EPHA6: variants seen among roughly 807,000 people sequenced by gnomAD.
EPHA6 encodes ephrin type-A receptor 6.
EPHA6 carries 50 observed loss-of-function variants against 112.0 expected under a neutral mutation model. The observed-to-expected ratio is 0.45, with a 90% CI of 0.36 to 0.56. The LOEUF (loss-of-function observed/expected upper bound fraction) is 0.56, where lower values mean the gene tolerates loss of function less well. Ranked by LOEUF, EPHA6 falls within the 20% of genes least tolerant of loss-of-function variation. The pLI, the probability that EPHA6 is intolerant of heterozygous loss-of-function variation, is 0.00. For synonymous variants in EPHA6, 529 were observed against 490.7 expected (o/e 1.08, Z -1.03); for missense variants, 1,280 against 1,417.4 (o/e 0.90, Z 1.56).
intron 5 of EPHA6, among the ~76,000 whole-genome samples, chr3:97,284,293 T>C (rs2080389654): frequency 6.6e-6 from 1 of 152,212 alleles, no homozygotes; most frequent in African/African-American, 2.4e-5. Context: ...AATTAAAAAT[T>C]ACTGGAAGTT....
intron 2 of EPHA6, among the ~76,000 whole-genome samples, chr3:96,953,893 G>A (rs1046673648): frequency 1.3e-5 from 2 of 148,932 alleles, no homozygotes; most frequent in Admixed American, 1.3e-4. Context: ...TTTTTTTTGA[G>A]ACATGGTCTG....
chr3:97,018,909 A>G (rs2044357043), intron 3 of EPHA6, among the ~76,000 whole-genome samples: 1 of 152,130 alleles, frequency 6.6e-6, no homozygotes. Flanking sequence ...GTCTTCCCAG[A>G]CGCTGGCGTT....
At chr3:97,692,634 A>G (rs1311734202) in intron 14 of EPHA6, among the ~76,000 whole-genome samples, 2 of 152,210 alleles carry the variant, frequency 1.3e-5, no homozygotes, top group Non-Finnish European at 2.9e-5. Flanking sequence ...GCACTGAAAC[A>G]TCTCTCTGTG....
chr3:97,112,802 T>C (rs2047763096), intron 3 of EPHA6, among the ~76,000 whole-genome samples: 1 of 152,176 alleles, frequency 6.6e-6, no homozygotes, highest in African/African-American at 2.4e-5. Flanking sequence ...TTCCTCCTCT[T>C]GAACTTTGTA....
At chr3:96,881,560 G>T (rs1388560141) in intron 2 of EPHA6, among the ~76,000 whole-genome samples, 1 of 152,142 alleles carries the variant, frequency 6.6e-6, no homozygotes, top group Non-Finnish European at 1.5e-5. Context: ...AGTGAGATTT[G>T]GGTTGGGACA....
chr3:97,241,798 A>T (rs2078856945), intron 4 of EPHA6, among the ~76,000 whole-genome samples: 1 of 137,848 alleles, frequency 7.3e-6, no homozygotes, highest in South Asian at 2.3e-4. Flanking sequence ...CTGCAGGCGG[A>T]CAGTTATATA....
intron 6 of EPHA6, among the ~76,000 whole-genome samples, chr3:97,427,280 A>G (rs1324030377): frequency 1.3e-5 from 2 of 152,210 alleles, no homozygotes; most frequent in South Asian, 2.1e-4. Context: ...GCAAAGTCAT[A>G]GAATCAATCT....
At chr3:97,559,691 A>G (rs985148723) in intron 11 of EPHA6, 7 of 448,058 alleles carry the variant, frequency 1.6e-5, no homozygotes, top group Admixed American at 2.5e-5. Flanking sequence ...GCTAATGTGT[A>G]TGCTGTCACA....
At chr3:97,486,164 CG>C (rs1178889917) in intron 10 of EPHA6, among the ~76,000 whole-genome samples, 1 of 152,036 alleles carries the variant, frequency 6.6e-6, no homozygotes, top group Non-Finnish European at 1.5e-5. Context: ...GTCATAATGG[CG>C]TTTATCTCAT....
intron 3 of EPHA6, among the ~76,000 whole-genome samples, chr3:97,088,403 G>C (rs958436113): frequency 1.2e-4 from 18 of 152,186 alleles, no homozygotes; most frequent in Non-Finnish European, 2.2e-4. Context: ...ATGTGAGAAG[G>C]TCAGTCTGCC....
rs1159396017 is a variant in EPHA6, at chr3:97,748,635, A to G, written c.3327A>G (p.Ile1109Met). 3.7e-6 allele frequency: 6 copies of G among 1,612,738 alleles called. No individual in the cohort carries two copies. The highest frequency in any genetic ancestry group is 5.1e-6 in the Non-Finnish European group (6 of 1,178,960). The change falls in exon 18 of 18, where the codon ATA (isoleucine) becomes ATG (methionine). Residue 1109 changes from isoleucine (I) to methionine (M), a missense_variant. Physicochemically the swap from Ile to Met is conservative, Grantham distance 10. This residue lies in a region of EPHA6 where 145 missense variants were observed against 153.3 expected (regional missense o/e 0.95). Coordinates refer to ENST00000389672, the MANE Select transcript of EPHA6 (RefSeq NM_001080448.3). ...GVILIGHQRR[I>M]VSSIQTLRLH... Reference sequence around the variant, plus strand: ...TACTTATTGGACACCAGAGACGAATAGTCAGCAGCATACAGACTTTACGTT... The same window carrying G: ...TACTTATTGGACACCAGAGACGAATGGTCAGCAGCATACAGACTTTACGTT...
intron 12 of EPHA6, among the ~76,000 whole-genome samples, chr3:97,594,029 C>A (rs2093566654): frequency 6.6e-6 from 1 of 152,118 alleles, no homozygotes; most frequent in South Asian, 2.1e-4. Context: ...GCCAAGCTCT[C>A]CGAGTTAACT....
intron 3 of EPHA6, among the ~76,000 whole-genome samples, chr3:97,141,087 G>T (rs2075889248): frequency 6.6e-6 from 1 of 151,952 alleles, no homozygotes; most frequent in African/African-American, 2.4e-5. Flanking sequence ...AAGACAAAGA[G>T]AATGATGGTT....
chr3:97,108,206 G>A (rs1359491737), intron 3 of EPHA6, among the ~76,000 whole-genome samples: 1 of 152,104 alleles, frequency 6.6e-6, no homozygotes, highest in Non-Finnish European at 1.5e-5. Flanking sequence ...AGTGTTAGGG[G>A]AAAGTCAGTG....
intron 6 of EPHA6, among the ~76,000 whole-genome samples, chr3:97,425,225 G>T (rs1173187515): frequency 6.6e-6 from 1 of 152,188 alleles, no homozygotes; most frequent in Non-Finnish European, 1.5e-5. Flanking sequence ...ACCCCACTGG[G>T]GACTCTGTGT....
chr3:97,449,096 C>T (rs758090226), intron 7 of EPHA6, among the ~76,000 whole-genome samples: 24 of 152,034 alleles, frequency 1.6e-4, no homozygotes, highest in Non-Finnish European at 2.9e-5. Flanking sequence ...GCAGCTTTGG[C>T]CTTTTATCTC....
intron 7 of EPHA6, among the ~76,000 whole-genome samples, chr3:97,468,142 A>G (rs1476629939): frequency 2.2e-5 from 3 of 134,342 alleles, no homozygotes; most frequent in Admixed American, 2.2e-4. Flanking sequence ...CACTTTCTGA[A>G]AAAAAAAAAA....
intron 2 of EPHA6, among the ~76,000 whole-genome samples, chr3:96,874,245 T>A (rs1023770814): frequency 1.3e-5 from 2 of 152,156 alleles, no homozygotes; most frequent in African/African-American, 4.8e-5. Context: ...TTAATTTTCC[T>A]TTGAAGCTTA....
intron 3 of EPHA6, among the ~76,000 whole-genome samples, chr3:97,166,873 G>A (rs1236345798): frequency 2.0e-5 from 3 of 152,120 alleles, no homozygotes; most frequent in Non-Finnish European, 4.4e-5. Context: ...CAGGGAAAGG[G>A]AAACAGTGAA....
Sources: allele counts gnomAD v4.1 joint callset (sites outside exome capture counted in the v4.1 genomes callset), GRCh38; gene constraint gnomAD v4.1.1; regional missense constraint gnomAD v4.1.1; transcripts MANE v1.5; gene names NCBI Gene and HGNC (gene_info 2026-07-23, HGNC 2026-07-21).